Variants in SV2B observed in about 807,000 individuals in gnomAD.
SV2B encodes synaptic vesicle glycoprotein 2B, also known as solute carrier family 22 member B2.
In SV2B, 41 loss-of-function variants were observed where a neutral mutation model predicts 73.9. The ratio of observed to expected loss-of-function variants is 0.56; its 90% CI spans 0.43 to 0.72. SV2B has a LOEUF of 0.72. Ranked by LOEUF, SV2B falls within the 30% of genes least tolerant of loss-of-function variation. The pLI is 0.00. For missense variants in SV2B, 764 were observed against 857.8 expected, an observed-to-expected ratio of 0.89 and a Z score of 1.37; for synonymous variants, 314 against 314.2, an observed-to-expected ratio of 1.00 and a Z score of 0.01.
At position 91,167,036 on chromosome 15, in the gene SV2B, A is replaced by G. The variant is rs969419173; in HGVS notation, c.-391-58837A>G. On this transcript the variant is annotated intron_variant, in intron 1 of 12. Transcript: ENST00000394232. ...CACCGTGTTATCCAGGATGGTCTTG[A>G]TCTCCTGACCTCGTGATCCGCCTGC... Among the ~76,000 whole-genome samples, 34 of 151,914 alleles carry G rather than the reference A, an allele frequency of 2.2e-4. 1 individual carries two copies. Among genetic ancestry groups the G allele is most frequent in the African/African-American group, 7.7e-4 (32 of 41,370 alleles).
chr15:91,124,117 G>A lies in SV2B; in HGVS notation c.-392+23754G>A, dbSNP rs2042411577. On this transcript the variant is annotated intron_variant, in intron 1 of 12. Coordinates refer to ENST00000394232, the MANE Select transcript of SV2B (RefSeq NM_001323032.3). This position sits in a 1 kb window ranked among gnomAD's most constrained non-coding sequence, Gnocchi z 4.6. ...GTAAACACCAAGGTGGGCAAACTGT[G>A]TTTTGGCTTGCTGGTACTGGTTTGC... Among the ~76,000 whole-genome samples the A allele has an allele frequency of 6.6e-6, 1 of 152,154 alleles. No homozygotes were observed. Among genetic ancestry groups the A allele is most frequent in the Non-Finnish European group, 1.5e-5 (1 of 68,024 alleles).
intron 1 of SV2B, among the ~76,000 whole-genome samples, chr15:91,178,248 G>A (rs1212127038): frequency 6.6e-6 from 1 of 150,634 alleles, no homozygotes; most frequent in South Asian, 2.1e-4. Flanking sequence ...AAGCCCACTT[G>A]ATCATGGTGG....
chr15:91,262,615 C>T (rs1466293260), intron 6 of SV2B, among the ~76,000 whole-genome samples: 1 of 152,134 alleles, frequency 6.6e-6, no homozygotes, highest in African/African-American at 2.4e-5. Flanking sequence ...CTCCTCCCAC[C>T]CTCCACCCCC....
At position 91,269,265 on chromosome 15, in the gene SV2B, C is replaced by T. The variant is rs539650426; in HGVS notation, c.1373+660C>T. ...TTAGGAATGCCTCTTTGAAACTGTC[C>T]TCTGAAACCCTCAAGATGGATCAGG... On this transcript the variant is annotated intron_variant, in intron 9 of 12. Transcript: ENST00000394232. Among the ~76,000 whole-genome samples the T allele has an allele frequency of 3.3e-5, 5 of 152,260 alleles. No homozygotes were observed. The East Asian group carries it at 7.7e-4, about 24-fold the overall frequency.
intron 2 of SV2B, among the ~76,000 whole-genome samples, chr15:91,251,542 G>A (rs1275771946): frequency 2.0e-5 from 3 of 152,208 alleles, no homozygotes; most frequent in African/African-American, 7.2e-5. Context: ...CTTGTCTGCA[G>A]ATTATGTACC....
chr15:91,267,638 A>G lies in SV2B; in HGVS notation c.1203A>G (p.Ala401=), dbSNP rs746370086. Residue 401 remains alanine (A), a synonymous_variant, in exon 8 of 13, where the codon GCA becomes GCG. Coordinates refer to ENST00000394232, the MANE Select transcript of SV2B (RefSeq NM_001323032.3). The surrounding 1 kb of genome is among the most constrained non-coding windows in gnomAD (Gnocchi z 4.3). The stretch of plus-strand genomic sequence containing the variant: ...TGGCCGTGGTTTGGTTTGCCATGGC[A>G]TTCAGGTAAGTTCTGTCTTACTTAA... ...LILAVVWFAM[A]FSYYGLTVWF... is the part of the protein sequence containing the mutation. 1.2e-6 allele frequency: 2 copies of G among 1,611,412 alleles called. No homozygotes were observed. The highest frequency in any genetic ancestry group is 1.7e-6 in the Non-Finnish European group (2 of 1,178,644).
rs35131375 is a variant in SV2B at position 91,242,304 on chromosome 15, T to TG, written c.452-9511dup. On this transcript the variant is annotated intron_variant, in intron 2 of 12. Transcript: ENST00000394232. This position sits in a 1 kb window ranked among gnomAD's most constrained non-coding sequence, Gnocchi z 4.9. ...TCTTGTGTATTGCCAGTCACTTCTTTGGGGATCGTGTTTGTTGTCTGCTTT... is the reference window on the plus strand; with the variant it reads ...TCTTGTGTATTGCCAGTCACTTCTTTGGGGGATCGTGTTTGTTGTCTGCTTT... 6.6e-6 allele frequency among the ~76,000 whole-genome samples: 1 copy of TG among 152,200 alleles called. No individual in the cohort carries two copies.
intron 1 of SV2B, among the ~76,000 whole-genome samples, chr15:91,117,907 G>A (rs886987676): frequency 5.9e-5 from 9 of 152,088 alleles, no homozygotes; most frequent in African/African-American, 1.9e-4. Flanking sequence ...TTATTGCCCC[G>A]AATGGGCATT....
At chr15:91,195,503 G>A (rs1262673692) in intron 1 of SV2B, among the ~76,000 whole-genome samples, 5 of 152,210 alleles carry the variant, frequency 3.3e-5, no homozygotes, top group Non-Finnish European at 7.3e-5. Context: ...ATAAAATGGG[G>A]AGATGAGCAT....
intron 12 of SV2B, among the ~76,000 whole-genome samples, chr15:91,291,159 A>G: frequency 6.7e-6 from 1 of 150,080 alleles, no homozygotes; most frequent in South Asian, 2.1e-4. Context: ...AAGAAGATTC[A>G]ATCTTACAAA....
intron 1 of SV2B, among the ~76,000 whole-genome samples, chr15:91,180,228 C>G (rs1295237190): frequency 2.0e-5 from 3 of 152,214 alleles, no homozygotes; most frequent in Non-Finnish European, 4.4e-5. Flanking sequence ...GGCCCCCGCT[C>G]TCTTCTGGCT....
intron 1 of SV2B, among the ~76,000 whole-genome samples, chr15:91,170,953 A>G (rs921418979): frequency 6.6e-6 from 1 of 152,040 alleles, no homozygotes; most frequent in Non-Finnish European, 1.5e-5. Context: ...TCCCCTCTTC[A>G]TTGTGGACTC....
rs919877236 is a variant in SV2B at position 91,283,503 on chromosome 15, A to G, written c.1508-518A>G. 8.5e-5 allele frequency among the ~76,000 whole-genome samples: 13 copies of G among 152,142 alleles called. No homozygotes were observed. The highest frequency in any genetic ancestry group is 3.1e-4 in the African/African-American group (13 of 41,482). ...CAGGCTGGAATGCAGTGGCATGACC[A>G]TGGCTCAATGTAGCCTTGACCTCCT... On this transcript the variant is annotated intron_variant, in intron 10 of 12. Coordinates refer to ENST00000394232, the MANE Select transcript of SV2B (RefSeq NM_001323032.3). This position sits in a 1 kb window ranked among gnomAD's most constrained non-coding sequence, Gnocchi z 4.3.
At chr15:91,271,473 TC>T (rs1360182953) in intron 9 of SV2B, among the ~76,000 whole-genome samples, 2 of 152,208 alleles carry the variant, frequency 1.3e-5, no homozygotes, top group East Asian at 3.8e-4. Flanking sequence ...CTACCATGTT[TC>T]TATGCTTCAA....
At position 91,188,966 on chromosome 15, in the gene SV2B, A is replaced by T. The variant is rs550297280; in HGVS notation, c.-391-36907A>T. Among the ~76,000 whole-genome samples the T allele has an allele frequency of 3.0e-4, 46 of 152,260 alleles. 1 individual carries two copies. The South Asian group carries it at 9.3e-3, about 31-fold the overall frequency. Reference sequence around the variant, plus strand: ...CTCGGCCTCCCAAATAGCTGGCATTACAGGTGCACACCACCATGCCTGGCT... The same window carrying T: ...CTCGGCCTCCCAAATAGCTGGCATTTCAGGTGCACACCACCATGCCTGGCT... On this transcript the variant is annotated intron_variant, in intron 1 of 12. Transcript: ENST00000394232.
intron 1 of SV2B, among the ~76,000 whole-genome samples, chr15:91,153,984 C>T (rs981972234): frequency 6.6e-6 from 1 of 151,688 alleles, no homozygotes; most frequent in Non-Finnish European, 1.5e-5. Flanking sequence ...ATCCTAGCTC[C>T]CAAGAGACAG....
At chr15:91,272,828 CTTTTTTTTTT>C (rs869274294) in intron 9 of SV2B, among the ~76,000 whole-genome samples, 23 of 92,876 alleles carry the variant, frequency 2.5e-4, no homozygotes, top group Admixed American at 4.9e-4. Context: ...GCATATTCGT[CTTTTTTTTTT>C]TTTTTTTTTT....
At chr15:91,212,980 A>G in intron 1 of SV2B, among the ~76,000 whole-genome samples, 1 of 132,604 alleles carries the variant, frequency 7.5e-6, no homozygotes, top group East Asian at 2.7e-4. Flanking sequence ...GTCTCTACTA[A>G]AAAAAAAAAA....
intron 1 of SV2B, among the ~76,000 whole-genome samples, chr15:91,189,979 C>T (rs1055021886): frequency 6.6e-6 from 1 of 150,786 alleles, no homozygotes; most frequent in Non-Finnish European, 1.5e-5. Flanking sequence ...CAGAGCGAGA[C>T]GCCATCTCAA....
Sources: allele counts gnomAD v4.1 joint callset (sites outside exome capture counted in the v4.1 genomes callset), GRCh38; gene constraint gnomAD v4.1.1; non-coding constraint Gnocchi (gnomAD v3.1); transcripts MANE v1.5; gene names NCBI Gene and HGNC (gene_info 2026-07-23, HGNC 2026-07-21).